Variants in ENTREP2 observed in about 807,000 individuals in gnomAD.
ENTREP2 encodes the protein protein ENTREP2.
the ENTREP2 span, among the ~76,000 whole-genome samples, chr15:29,440,305 G>A: frequency 6.6e-6 from 1 of 152,146 alleles, no homozygotes; most frequent in East Asian, 1.9e-4. Context: ...ATTAATACAG[G>A]AGTCCCCTCA....
chr15:29,303,036 A>T, the ENTREP2 span, among the ~76,000 whole-genome samples: 1 of 151,898 alleles, frequency 6.6e-6, no homozygotes, highest in Non-Finnish European at 1.5e-5. Context: ...GAGCAGACTC[A>T]AAGGGGCCGC....
At chr15:29,644,953 A>T in the ENTREP2 span, among the ~76,000 whole-genome samples, 1 of 152,196 alleles carries the variant, frequency 6.6e-6, no homozygotes. Context: ...TCATGCTTGT[A>T]ATCCCATAAT....
the ENTREP2 span, among the ~76,000 whole-genome samples, chr15:29,492,173 G>C: frequency 6.6e-6 from 1 of 151,732 alleles, no homozygotes; most frequent in African/African-American, 2.4e-5. Flanking sequence ...CCCATTTATT[G>C]CATGTAACTT....
chr15:29,621,522 CAAAAAAAAAA>C, the ENTREP2 span, among the ~76,000 whole-genome samples: 1 of 15,636 alleles, frequency 6.4e-5, no homozygotes, highest in East Asian at 2.6e-3. Context: ...GACTCTGTCT[CAAAAAAAAAA>C]AAAAAAAAAA....
chr15:29,510,342 G>A, the ENTREP2 span, among the ~76,000 whole-genome samples: 40 of 152,270 alleles, frequency 2.6e-4, no homozygotes, highest in Middle Eastern at 6.8e-3. Context: ...ACAGTGTGGC[G>A]ACTGCTCAAG....
At chr15:29,494,795 T>C in the ENTREP2 span, among the ~76,000 whole-genome samples, 3 of 152,212 alleles carry the variant, frequency 2.0e-5, no homozygotes, top group Non-Finnish European at 2.9e-5. Context: ...CTTAGTGTAA[T>C]GTCCTCCAGG....
chr15:29,468,176 T>C, the ENTREP2 span, among the ~76,000 whole-genome samples: 1 of 152,160 alleles, frequency 6.6e-6, no homozygotes, highest in African/African-American at 2.4e-5. Context: ...TGATCGACTG[T>C]AAAGCCATAA....
chr15:29,362,581 C>G, the ENTREP2 span, among the ~76,000 whole-genome samples: 91 of 151,846 alleles, frequency 6.0e-4, no homozygotes, highest in African/African-American at 2.0e-3. Context: ...TACCATGTTA[C>G]CCAGGCTAGT....
the ENTREP2 span, among the ~76,000 whole-genome samples, chr15:29,395,334 T>C: frequency 6.6e-6 from 1 of 152,086 alleles, no homozygotes; most frequent in African/African-American, 2.4e-5. Context: ...AAATATGTCT[T>C]TGAGACCCTT....
the ENTREP2 span, among the ~76,000 whole-genome samples, chr15:29,211,048 T>G: frequency 6.6e-6 from 1 of 152,166 alleles, no homozygotes; most frequent in Admixed American, 6.5e-5. Context: ...TAGGATCAGA[T>G]GATTAATAGA....
the ENTREP2 span, among the ~76,000 whole-genome samples, chr15:29,172,809 C>T: frequency 6.6e-6 from 1 of 152,126 alleles, no homozygotes; most frequent in African/African-American, 2.4e-5. Flanking sequence ...TCCAGCTCCA[C>T]CTGCCCTGGC....
At chr15:29,611,387 A>C in the ENTREP2 span, among the ~76,000 whole-genome samples, 1 of 151,656 alleles carries the variant, frequency 6.6e-6, no homozygotes, top group Non-Finnish European at 1.5e-5. Flanking sequence ...TAAAAAAAAA[A>C]CTCTTAAAAA....
the ENTREP2 span, among the ~76,000 whole-genome samples, chr15:29,348,367 G>C: frequency 9.9e-5 from 15 of 152,252 alleles, no homozygotes; most frequent in African/African-American, 3.6e-4. Flanking sequence ...AACGGGTCTG[G>C]CCTCACTGAA....
At chr15:29,186,484 G>A in the ENTREP2 span, among the ~76,000 whole-genome samples, 7 of 152,232 alleles carry the variant, frequency 4.6e-5, no homozygotes, top group Non-Finnish European at 1.0e-4. Context: ...CTGGAAGGAG[G>A]CTGTGTGTGC....
At chr15:29,338,351 G>A in the ENTREP2 span, among the ~76,000 whole-genome samples, 3 of 151,224 alleles carry the variant, frequency 2.0e-5, no homozygotes, top group Admixed American at 6.6e-5. Flanking sequence ...ACTTGAACCC[G>A]GGAGGCAGAG....
chr15:29,240,265 G>A, the ENTREP2 span, among the ~76,000 whole-genome samples: 2 of 152,018 alleles, frequency 1.3e-5, no homozygotes, highest in African/African-American at 4.8e-5. Context: ...TCAGGAGGCC[G>A]AGGCAGGAGA....
At chr15:29,651,274 C>G in the ENTREP2 span, among the ~76,000 whole-genome samples, 2 of 152,344 alleles carry the variant, frequency 1.3e-5, no homozygotes, top group South Asian at 4.1e-4. Flanking sequence ...TGATTGCAAA[C>G]TAGATTTTCA....
At chr15:29,657,051 A>C in the ENTREP2 span, among the ~76,000 whole-genome samples, 37 of 152,074 alleles carry the variant, frequency 2.4e-4, no homozygotes, top group African/African-American at 8.9e-4. Flanking sequence ...TGAGTGTTAC[A>C]GCTCTTTTCT....
the ENTREP2 span, among the ~76,000 whole-genome samples, chr15:29,310,282 G>A: frequency 6.6e-6 from 1 of 152,156 alleles, no homozygotes; most frequent in African/African-American, 2.4e-5. Flanking sequence ...TTGGGTGCAG[G>A]TAGTTCTAGG....
Sources: allele counts gnomAD v4.1 joint callset (sites outside exome capture counted in the v4.1 genomes callset), GRCh38; gene constraint gnomAD v4.1.1; transcripts MANE v1.5; gene names NCBI Gene and HGNC (gene_info 2026-07-23, HGNC 2026-07-21).